Variants in CCDC171 observed in about 807,000 individuals in gnomAD.
CCDC171 encodes coiled-coil domain containing 171.
Under a neutral mutation model 168.2 loss-of-function variants are expected in CCDC171, and 177 were observed. The observed-to-expected ratio is 1.05, with a 90% CI of 0.93 to 1.19. The LOEUF is 1.19. Among genes scored for constraint, CCDC171 ranks in the 50% most tolerant of loss-of-function variants. The pLI, the probability that CCDC171 is intolerant of heterozygous loss-of-function variation, is 0.00. For missense variants in CCDC171, 1,991 were observed against 1,539.0 expected, an observed-to-expected ratio of 1.29 and a Z score of -4.91; for synonymous variants, 687 against 540.8, an observed-to-expected ratio of 1.27 and a Z score of -3.75.
chr9:15,688,238 C>G (rs2050550198), intron 10 of CCDC171, among the ~76,000 whole-genome samples: 1 of 151,552 alleles, frequency 6.6e-6, no homozygotes, highest in African/African-American at 2.4e-5. Context: ...CAAAAAAACT[C>G]CCACAAAGAA....
At position 15,729,869 on chromosome 9, in the gene CCDC171, C is replaced by T. The variant is rs531346043; in HGVS notation, c.2049+71C>T. On this transcript the variant is annotated intron_variant, in intron 16 of 25. Coordinates refer to ENST00000380701, the MANE Select transcript of CCDC171 (RefSeq NM_173550.4). ...TAACCATTAGAAACTTTTTTTTTTT[C>T]AGTAGCAGTGCTAAATCAGTTTAAA... 58 of 1,132,768 alleles carry T rather than the reference C, an allele frequency of 5.1e-5. No individual in the cohort carries two copies. In the East Asian group the frequency reaches 1.0e-3, roughly 20 times the overall value. The allele number at this position is 1,132,768 out of a possible 1,614,324, so 70.2% of individuals were successfully genotyped here. A position where few individuals can be genotyped will look rare whatever the true frequency, so the allele number is the denominator to read the frequency against.
intron 10 of CCDC171, among the ~76,000 whole-genome samples, chr9:15,694,069 A>G (rs2051027470): frequency 1.3e-5 from 2 of 152,200 alleles, no homozygotes; most frequent in African/African-American, 4.8e-5. Context: ...TTCAATTGGC[A>G]TGATTGACAA....
intron 7 of CCDC171, among the ~76,000 whole-genome samples, chr9:15,631,884 G>A (rs968366052): frequency 6.6e-6 from 1 of 152,122 alleles, no homozygotes; most frequent in Non-Finnish European, 1.5e-5. Flanking sequence ...ATCAATAAAT[G>A]TAATCCATCA....
intron 18 of CCDC171, among the ~76,000 whole-genome samples, chr9:15,750,373 C>T (rs1210817911): frequency 1.3e-5 from 2 of 152,086 alleles, no homozygotes; most frequent in African/African-American, 4.8e-5. Flanking sequence ...TATTCACAGC[C>T]GAATTCTACC....
At chr9:15,914,110 A>G (rs1043199088) in intron 24 of CCDC171, among the ~76,000 whole-genome samples, 1 of 152,190 alleles carries the variant, frequency 6.6e-6, no homozygotes, top group African/African-American at 2.4e-5. Context: ...CCCTGTCAGG[A>G]TGCATGGGGG....
chr9:15,606,587 A>G (rs1005088954), intron 6 of CCDC171, among the ~76,000 whole-genome samples: 1 of 152,198 alleles, frequency 6.6e-6, no homozygotes, highest in African/African-American at 2.4e-5. Context: ...ATAAGCTAGA[A>G]AAGAGGAGTA....
chr9:15,762,686 G>A (rs935144944), intron 18 of CCDC171, among the ~76,000 whole-genome samples: 1 of 152,028 alleles, frequency 6.6e-6, no homozygotes, highest in Non-Finnish European at 1.5e-5. Context: ...GCAATAAAAT[G>A]TGCTTATTTG....
the CCDC171 span, among the ~76,000 whole-genome samples, chr9:16,102,630 C>G: frequency 6.6e-6 from 1 of 152,230 alleles, no homozygotes; most frequent in South Asian, 2.1e-4. Flanking sequence ...ACAAGAAACT[C>G]GGATATCTTT....
chr9:15,571,616 T>A lies in CCDC171; in HGVS notation c.42-8T>A. The A allele has an allele frequency of 6.5e-7, 1 of 1,536,126 alleles. No individual in the cohort carries two copies. The highest frequency in any genetic ancestry group is 8.7e-7 in the Non-Finnish European group (1 of 1,146,300). On this transcript the variant is annotated splice_region_variant and splice_polypyrimidine_tract_variant and intron_variant, in intron 2 of 25. Coordinates refer to ENST00000380701, the MANE Select transcript of CCDC171 (RefSeq NM_173550.4). The stretch of plus-strand genomic sequence containing the variant: ...GCATATACATTTTACTGTAATCTCA[T>A]TTTAAAGGTTGAAGATTGCCTCATT...
intron 18 of CCDC171, among the ~76,000 whole-genome samples, chr9:15,764,840 G>T (rs1256255564): frequency 6.6e-6 from 1 of 152,156 alleles, no homozygotes; most frequent in Non-Finnish European, 1.5e-5. Context: ...AAATAGTGAA[G>T]CCTGCATTCC....
chr9:15,688,649 A>T (rs555944332), intron 10 of CCDC171, among the ~76,000 whole-genome samples: 1 of 152,330 alleles, frequency 6.6e-6, no homozygotes, highest in South Asian at 2.1e-4. Flanking sequence ...AAAATGCAGC[A>T]TCCTTTTATG....
At chr9:16,041,419 A>G (rs186041711), upstream of CCDC171, among the ~76,000 whole-genome samples, 1 of 152,352 alleles carries the variant, frequency 6.6e-6, no homozygotes, top group East Asian at 1.9e-4. Flanking sequence ...AAGGAAGTTT[A>G]GGTGGGAAAG....
At chr9:16,068,180 C>G in the CCDC171 span, among the ~76,000 whole-genome samples, 2 of 148,430 alleles carry the variant, frequency 1.3e-5, no homozygotes, top group East Asian at 3.9e-4. Flanking sequence ...AACAGAGAGC[C>G]AAATCATGAG....
rs571651985 is a variant in CCDC171, at chr9:15,699,994, G to T, written c.1318+4657G>T. On this transcript the variant is annotated intron_variant, in intron 11 of 25. Transcript: ENST00000380701. Reference sequence around the variant, plus strand: ...CAACTGGCTTCACCCAGTGGATCCCGCACCCGGGCTGCAGGTGGAGCTGCC... The same window carrying T: ...CAACTGGCTTCACCCAGTGGATCCCTCACCCGGGCTGCAGGTGGAGCTGCC... 5.3e-4 allele frequency among the ~76,000 whole-genome samples: 81 copies of T among 152,366 alleles called. No homozygotes were observed. The South Asian group carries it at 0.016, about 30-fold the overall frequency.
chr9:15,790,480 T>C (rs538359704), intron 21 of CCDC171, among the ~76,000 whole-genome samples: 12 of 152,252 alleles, frequency 7.9e-5, no homozygotes, highest in Non-Finnish European at 1.3e-4. Context: ...GAGTTCTTTA[T>C]AGATTCTGGA....
intron 3 of CCDC171, among the ~76,000 whole-genome samples, chr9:15,577,525 G>T (rs750141368): frequency 3.3e-5 from 5 of 152,182 alleles, no homozygotes; most frequent in Non-Finnish European, 7.3e-5. Context: ...GGCTTTCACT[G>T]TGTTCAGGCT....
chr9:15,615,011 C>G (rs1278344329), intron 6 of CCDC171, among the ~76,000 whole-genome samples: 1 of 152,120 alleles, frequency 6.6e-6, no homozygotes. Context: ...GTAAACTCCT[C>G]TACAGAATGG....
chr9:15,722,155 A>G (rs567444246), intron 12 of CCDC171, among the ~76,000 whole-genome samples: 41 of 147,266 alleles, frequency 2.8e-4, no homozygotes, highest in African/African-American at 1.0e-3. Context: ...AACTTAATGA[A>G]AAACACTATG....
intron 9 of CCDC171, among the ~76,000 whole-genome samples, chr9:15,677,562 A>T (rs1008435904): frequency 6.6e-6 from 1 of 152,024 alleles, no homozygotes; most frequent in Non-Finnish European, 1.5e-5. Context: ...AAGATCTCAG[A>T]TTTAAAACAG....
Sources: allele counts gnomAD v4.1 joint callset (sites outside exome capture counted in the v4.1 genomes callset), GRCh38; gene constraint gnomAD v4.1.1; transcripts MANE v1.5; gene names NCBI Gene and HGNC (gene_info 2026-07-23, HGNC 2026-07-21).